GALNTL6: variants seen among roughly 807,000 people sequenced by gnomAD.
GALNTL6 encodes the protein polypeptide N-acetylgalactosaminyltransferase-like 6.
A neutral mutation model predicts 73.7 loss-of-function variants in GALNTL6; 46 were observed. That is an observed-to-expected ratio of 0.62 (90% CI 0.49 to 0.80). The LOEUF (loss-of-function observed/expected upper bound fraction) is 0.80. Among genes scored for constraint, GALNTL6 ranks in the 30% least tolerant of loss-of-function variants. GALNTL6 has a pLI of 0.00. For synonymous variants in GALNTL6, 259 were observed against 263.7 expected, an observed-to-expected ratio of 0.98 and a Z score of 0.17; for missense variants, 604 against 755.0, an observed-to-expected ratio of 0.80 and a Z score of 2.34.
intron 5 of GALNTL6, among the ~76,000 whole-genome samples, chr4:172,627,717 T>G (rs568612631): frequency 1.3e-5 from 2 of 152,214 alleles, no homozygotes; most frequent in East Asian, 1.9e-4. Flanking sequence ...AGTTTCTTCC[T>G]GTTTCAATCT....
chr4:172,413,185 G>A (rs1042302579), intron 5 of GALNTL6, among the ~76,000 whole-genome samples: 4 of 152,156 alleles, frequency 2.6e-5, no homozygotes, highest in Admixed American at 6.6e-5. Flanking sequence ...ACATGGGACT[G>A]GGTTTCTGCC....
At chr4:172,002,932 C>G (rs1740720715) in intron 2 of GALNTL6, among the ~76,000 whole-genome samples, 1 of 152,086 alleles carries the variant, frequency 6.6e-6, no homozygotes, top group South Asian at 2.1e-4. Context: ...GTGAGGGGAG[C>G]AATTGAGAGC....
intron 2 of GALNTL6, among the ~76,000 whole-genome samples, chr4:171,937,166 A>G (rs1738374633): frequency 6.6e-6 from 1 of 152,166 alleles, no homozygotes; most frequent in South Asian, 2.1e-4. Context: ...CCTCAGTTAA[A>G]ACTTAACTAT....
At chr4:172,073,609 A>T (rs1016710946) in intron 2 of GALNTL6, among the ~76,000 whole-genome samples, 3 of 152,208 alleles carry the variant, frequency 2.0e-5, no homozygotes, top group African/African-American at 7.2e-5. Context: ...TACCTGGGGA[A>T]ATAAACAAAG....
chr4:172,201,642 T>A (rs1735960122), intron 2 of GALNTL6, among the ~76,000 whole-genome samples: 2 of 152,172 alleles, frequency 1.3e-5, no homozygotes, highest in Non-Finnish European at 2.9e-5. Context: ...TAAAATATTT[T>A]TGTAGTACTT....
chr4:172,710,475 T>C (rs926697978), intron 5 of GALNTL6, among the ~76,000 whole-genome samples: 1 of 152,112 alleles, frequency 6.6e-6, no homozygotes, highest in Admixed American at 6.6e-5. Flanking sequence ...TCCCACCCAG[T>C]GTCAACAGCA....
At chr4:172,923,057 A>G (rs2111297294) in intron 8 of GALNTL6, among the ~76,000 whole-genome samples, 1 of 152,346 alleles carries the variant, frequency 6.6e-6, no homozygotes, top group African/African-American at 2.4e-5. Context: ...CCGCTCCTTA[A>G]GAGACCCAGT....
chr4:172,567,180 AT>A (rs112128354), intron 5 of GALNTL6, among the ~76,000 whole-genome samples: 92 of 150,132 alleles, frequency 6.1e-4, no homozygotes, highest in African/African-American at 2.1e-3. Flanking sequence ...ACTCATTAGT[AT>A]TTTTTTTTTC....
At chr4:172,081,068 A>G (rs80149110) in intron 2 of GALNTL6, among the ~76,000 whole-genome samples, 2,748 of 152,278 alleles carry the variant, frequency 0.018, 73 homozygotes, top group African/African-American at 0.06. Flanking sequence ...TGAATGTACT[A>G]TGTTTAAATA....
chr4:172,209,724 G>A (rs1421817614), intron 2 of GALNTL6, among the ~76,000 whole-genome samples: 1 of 151,916 alleles, frequency 6.6e-6, no homozygotes, highest in African/African-American at 2.4e-5. Flanking sequence ...TTTACTCACA[G>A]GTTTAATAAA....
chr4:172,663,496 A>C (rs1014409993), intron 5 of GALNTL6, among the ~76,000 whole-genome samples: 2 of 152,204 alleles, frequency 1.3e-5, no homozygotes, highest in African/African-American at 4.8e-5. Flanking sequence ...GACAACCCCA[A>C]GGTCCCACTA....
At chr4:171,863,195 C>G (rs2110882002) in intron 2 of GALNTL6, among the ~76,000 whole-genome samples, 1 of 152,116 alleles carries the variant, frequency 6.6e-6, no homozygotes, top group South Asian at 2.1e-4. Flanking sequence ...AGTACAAGGC[C>G]CTAGAATTAA....
intron 4 of GALNTL6, among the ~76,000 whole-genome samples, chr4:172,344,388 C>T (rs1176837258): frequency 6.6e-6 from 1 of 152,136 alleles, no homozygotes; most frequent in African/African-American, 2.4e-5. Flanking sequence ...AGCTCAAGTG[C>T]TAGAATGACC....
intron 5 of GALNTL6, among the ~76,000 whole-genome samples, chr4:172,480,016 T>A (rs1349548752): frequency 6.6e-6 from 1 of 152,222 alleles, no homozygotes; most frequent in Non-Finnish European, 1.5e-5. Flanking sequence ...ATTGCCCATT[T>A]TTTTACTTAA....
Position 172,820,185 on chromosome 4 carries a change from G to A in GALNTL6, c.923+6462G>A, listed in dbSNP as rs183888417. 3.3e-5 allele frequency among the ~76,000 whole-genome samples: 5 copies of A among 152,276 alleles called. No homozygotes were observed. In the East Asian group the frequency reaches 9.7e-4, roughly 29 times the overall value. On this transcript the variant is annotated intron_variant, in intron 7 of 12. Transcript: ENST00000506823. Reference sequence around the variant, plus strand: ...GGGTTGACTAATGTGGAGGAAGAGGGGCTCCTTCTCCTTGGTGGGCATAGA... The same window carrying A: ...GGGTTGACTAATGTGGAGGAAGAGGAGCTCCTTCTCCTTGGTGGGCATAGA...
At chr4:172,229,084 G>A (rs867036972) in intron 2 of GALNTL6, among the ~76,000 whole-genome samples, 1 of 152,242 alleles carries the variant, frequency 6.6e-6, no homozygotes, top group Middle Eastern at 3.4e-3. Flanking sequence ...TTTACCTCAA[G>A]CCATTTTAGT....
In GALNTL6 at chr4:172,916,756, A is replaced by G. The variant is rs1489230671; in HGVS notation, c.1042-14405A>G. On this transcript the variant is annotated intron_variant, in intron 8 of 12. Coordinates refer to ENST00000506823, the MANE Select transcript of GALNTL6 (RefSeq NM_001034845.3). ...CTCAATGAAATAAAAGAGGACACAA[A>G]CAAATGGAAGAACATTCCCTGCTCA... 1.4e-4 allele frequency among the ~76,000 whole-genome samples: 20 copies of G among 147,036 alleles called. No individual in the cohort carries two copies. In the South Asian group the frequency reaches 1.7e-3, roughly 12 times the overall value.
In GALNTL6 at chr4:172,872,372, A is replaced by G. The variant is rs140965873; in HGVS notation, c.924-10418A>G. ...TGAATTTTGACTGCCCTTCCCCTCA[A>G]TTAGGACAAATTAGTAGAAGTTTAT... On this transcript the variant is annotated intron_variant, in intron 7 of 12. Transcript: ENST00000506823. 2.5e-3 allele frequency among the ~76,000 whole-genome samples: 378 copies of G among 152,310 alleles called. 3 individuals are homozygous for G. The highest frequency in any genetic ancestry group is 8.7e-3 in the African/African-American group (360 of 41,574).
chr4:172,699,182 T>G (rs1733871162), intron 5 of GALNTL6, among the ~76,000 whole-genome samples: 1 of 152,092 alleles, frequency 6.6e-6, no homozygotes, highest in Non-Finnish European at 1.5e-5. Context: ...TATGACTTAA[T>G]CACTTCCCAA....
Sources: allele counts gnomAD v4.1 joint callset (sites outside exome capture counted in the v4.1 genomes callset), GRCh38; gene constraint gnomAD v4.1.1; transcripts MANE v1.5; gene names NCBI Gene and HGNC (gene_info 2026-07-23, HGNC 2026-07-21).